PCDH9: variants seen among roughly 807,000 people sequenced by gnomAD.
PCDH9 encodes the protein protocadherin-9.
A neutral mutation model predicts 70.6 loss-of-function variants in PCDH9; 24 were observed. The observed-to-expected ratio is 0.34, with a 90% CI of 0.25 to 0.48. PCDH9 has a LOEUF of 0.48. Ranked by LOEUF, PCDH9 falls within the 20% of genes least tolerant of loss-of-function variation. The pLI is 0.99. For missense variants in PCDH9, 1,281 were observed against 1,503.6 expected (o/e 0.85, Z 2.45); for synonymous variants, 562 against 558.5 (o/e 1.01, Z -0.09).
At chr13:66,995,459 C>T (rs1048886876) in intron 2 of PCDH9, among the ~76,000 whole-genome samples, 4 of 152,026 alleles carry the variant, frequency 2.6e-5, no homozygotes, top group African/African-American at 9.7e-5. Context: ...TAAAAGTGTC[C>T]ACCACTAAGG....
At chr13:66,865,487 T>C (rs1868968369) in intron 3 of PCDH9, among the ~76,000 whole-genome samples, 2 of 152,232 alleles carry the variant, frequency 1.3e-5, no homozygotes, top group African/African-American at 2.4e-5. Context: ...ATGGAAAAAT[T>C]ATATCTTTTG....
intron 2 of PCDH9, among the ~76,000 whole-genome samples, chr13:66,908,437 T>G (rs1175707890): frequency 6.6e-6 from 1 of 152,208 alleles, no homozygotes; most frequent in Admixed American, 6.5e-5. Context: ...CAGTGGAGTC[T>G]GTTTAAGCAA....
chr13:67,078,268 T>C (rs1411250810), intron 2 of PCDH9, among the ~76,000 whole-genome samples: 2 of 152,168 alleles, frequency 1.3e-5, no homozygotes, highest in Non-Finnish European at 2.9e-5. Context: ...CGCCATCAGC[T>C]GGTCAAATTT....
At chr13:67,077,509 G>A (rs2085901282) in intron 2 of PCDH9, among the ~76,000 whole-genome samples, 1 of 152,026 alleles carries the variant, frequency 6.6e-6, no homozygotes, top group Admixed American at 6.6e-5. Flanking sequence ...ATCACCACTT[G>A]ATATTGATAA....
chr13:67,030,706 A>G (rs1198137923), intron 2 of PCDH9, among the ~76,000 whole-genome samples: 2 of 152,112 alleles, frequency 1.3e-5, no homozygotes, highest in Non-Finnish European at 2.9e-5. Flanking sequence ...TCTCCTTAGC[A>G]CCTTTATCAT....
chr13:66,933,006 T>G (rs2082841948), intron 2 of PCDH9, among the ~76,000 whole-genome samples: 1 of 151,768 alleles, frequency 6.6e-6, no homozygotes, highest in Non-Finnish European at 1.5e-5. Flanking sequence ...TTTTATTCTT[T>G]CAGCTGTTTA....
intron 3 of PCDH9, among the ~76,000 whole-genome samples, chr13:66,828,381 T>C (rs2080861559): frequency 1.3e-5 from 2 of 152,130 alleles, no homozygotes; most frequent in South Asian, 4.1e-4. Context: ...CTCTAAAAAA[T>C]ACTAATGACA....
chr13:66,351,948 T>G (rs955412384), intron 4 of PCDH9, among the ~76,000 whole-genome samples: 5 of 151,950 alleles, frequency 3.3e-5, no homozygotes, highest in African/African-American at 9.7e-5. Flanking sequence ...CAAGTGATTC[T>G]CCTCAACCTT....
Position 66,461,130 on chromosome 13 carries a change from G to A in PCDH9, c.3341-156102C>T, listed in dbSNP as rs144454438. Among the ~76,000 whole-genome samples, 16 of 151,614 alleles carry A rather than the reference G, an allele frequency of 1.1e-4. No homozygotes were observed. The East Asian group carries it at 2.9e-3, about 28-fold the overall frequency. On this transcript the variant is annotated intron_variant, in intron 4 of 4. Coordinates refer to ENST00000377865, the MANE Select transcript of PCDH9 (RefSeq NM_203487.3). ...TTCAAAATGCTAAAATAAATTAATC[G>A]GGAGTCAGTTCCTAAGATATCACTA...
At chr13:66,384,657 AATTTTACTTATTT>A (rs1956899384) in intron 4 of PCDH9, among the ~76,000 whole-genome samples, 2 of 151,996 alleles carry the variant, frequency 1.3e-5, no homozygotes, top group South Asian at 4.2e-4. Context: ...CTGCCATTTT[AATTTTACTTATTT>A]ATTTACTTAT....
intron 3 of PCDH9, among the ~76,000 whole-genome samples, chr13:66,796,135 C>T (rs77027929): frequency 0.016 from 2,447 of 152,198 alleles, 77 homozygotes; most frequent in African/African-American, 0.056. Context: ...TTTCACTATC[C>T]CTTGGCTTAG....
intron 4 of PCDH9, among the ~76,000 whole-genome samples, chr13:66,617,329 T>C (rs2077368443): frequency 6.6e-6 from 1 of 152,170 alleles, no homozygotes. Context: ...GAACCACGGA[T>C]GCCTGCTACT....
chr13:67,128,976 A>T (rs1457489237), intron 2 of PCDH9, among the ~76,000 whole-genome samples: 1 of 152,162 alleles, frequency 6.6e-6, no homozygotes, highest in Non-Finnish European at 1.5e-5. Context: ...CCCAAGGCAG[A>T]CATATTCTCC....
chr13:66,737,537 G>A (rs184348698), intron 3 of PCDH9, among the ~76,000 whole-genome samples: 7 of 152,154 alleles, frequency 4.6e-5, no homozygotes, highest in African/African-American at 7.2e-5. Flanking sequence ...AGCTCCCAGC[G>A]TGAGCGACGC....
intron 2 of PCDH9, among the ~76,000 whole-genome samples, chr13:67,041,596 C>T (rs1410675935): frequency 6.6e-6 from 1 of 151,940 alleles, no homozygotes; most frequent in Admixed American, 6.6e-5. Context: ...CTTTGGGAGG[C>T]CAAGGGAGGT....
chr13:66,610,080 C>G (rs1470964870), intron 4 of PCDH9, among the ~76,000 whole-genome samples: 2 of 151,726 alleles, frequency 1.3e-5, no homozygotes, highest in Non-Finnish European at 2.9e-5. Context: ...GCCTCAGCCT[C>G]CTTCTTATTT....
intron 4 of PCDH9, among the ~76,000 whole-genome samples, chr13:66,354,169 A>G (rs1455873375): frequency 6.6e-6 from 1 of 152,054 alleles, no homozygotes; most frequent in Non-Finnish European, 1.5e-5. Context: ...AACTTTACCC[A>G]AAGAGGAGTT....
At chr13:66,896,676 T>C (rs933913525) in intron 3 of PCDH9, among the ~76,000 whole-genome samples, 1 of 152,176 alleles carries the variant, frequency 6.6e-6, no homozygotes, top group Non-Finnish European at 1.5e-5. Context: ...TGAAAAACAT[T>C]ATGTAGTCAT....
chr13:66,427,491 G>GACA, intron 4 of PCDH9, among the ~76,000 whole-genome samples: 1 of 151,688 alleles, frequency 6.6e-6, no homozygotes, highest in African/African-American at 2.4e-5. Flanking sequence ...CATGTGTTTT[G>GACA]TGTTAGTTCA....
Sources: gnomAD v4.1 joint callset for allele counts (sites outside exome capture counted in the v4.1 genomes callset) on GRCh38, gnomAD v4.1.1 for gene constraint, MANE v1.5 for transcripts, NCBI Gene and HGNC (gene_info 2026-07-23, HGNC 2026-07-21) for gene names.